CDH13: variants seen among roughly 807,000 people sequenced by gnomAD.
CDH13 encodes the protein cadherin 13, also known as cadherin-13.
Under a neutral mutation model 63.8 loss-of-function variants are expected in CDH13, and 24 were observed. The observed-to-expected ratio is 0.38, with a 90% CI of 0.27 to 0.53. CDH13 has a LOEUF of 0.53. Among genes scored for constraint, CDH13 ranks in the 20% least tolerant of loss-of-function variants. The pLI, the probability that CDH13 is intolerant of heterozygous loss-of-function variation, is 0.85. For missense variants in CDH13, 1,049 were observed against 903.1 expected (o/e 1.16, Z -2.07); for synonymous variants, 503 against 355.3 (o/e 1.42, Z -4.67).
chr16:83,531,919 C>G (rs1314130814), intron 7 of CDH13, among the ~76,000 whole-genome samples: 1 of 152,182 alleles, frequency 6.6e-6, no homozygotes, highest in Non-Finnish European at 1.5e-5. Flanking sequence ...TATGGTTTAG[C>G]TGTGTCCCCA....
chr16:83,234,233 T>C (rs1390410601), intron 5 of CDH13, among the ~76,000 whole-genome samples: 5 of 152,210 alleles, frequency 3.3e-5, no homozygotes, highest in Admixed American at 2.0e-4. Context: ...ATCTTCCTTT[T>C]CTCATAAATG....
At chr16:82,971,154 C>G (rs188075496) in intron 2 of CDH13, among the ~76,000 whole-genome samples, 2 of 152,172 alleles carry the variant, frequency 1.3e-5, no homozygotes, top group Admixed American at 1.3e-4. Context: ...CCAACTCCCT[C>G]ACCCTTCGAA....
chr16:82,765,491 A>G (rs1410681646), intron 1 of CDH13, among the ~76,000 whole-genome samples: 5 of 152,180 alleles, frequency 3.3e-5, no homozygotes, highest in Non-Finnish European at 7.3e-5. Flanking sequence ...ATCCGCTGAC[A>G]GCTCCCCACC....
At chr16:83,136,511 ATAGACT>A (rs1330229932) in intron 4 of CDH13, among the ~76,000 whole-genome samples, 3 of 151,782 alleles carry the variant, frequency 2.0e-5, no homozygotes, top group African/African-American at 7.3e-5. Context: ...AAAAAAAGAA[ATAGACT>A]TCACTAGAGG....
intron 10 of CDH13, among the ~76,000 whole-genome samples, chr16:83,720,456 AG>A (rs1909542415): frequency 6.6e-6 from 1 of 152,166 alleles, no homozygotes; most frequent in Admixed American, 6.5e-5. Context: ...ACAAGAGATT[AG>A]GGGAAGTTGG....
intron 7 of CDH13, among the ~76,000 whole-genome samples, chr16:83,585,761 C>T (rs906234807): frequency 3.9e-5 from 6 of 152,046 alleles, no homozygotes; most frequent in African/African-American, 1.5e-4. Flanking sequence ...ATTCTCCCAG[C>T]CCAACCCATA....
intron 5 of CDH13, among the ~76,000 whole-genome samples, chr16:83,246,602 A>G (rs1905020733): frequency 6.6e-6 from 1 of 152,122 alleles, no homozygotes; most frequent in South Asian, 2.1e-4. Flanking sequence ...GGTTTGAGCT[A>G]TGAAATATTT....
At chr16:83,621,980 T>C (rs1909859853) in intron 8 of CDH13, among the ~76,000 whole-genome samples, 1 of 152,230 alleles carries the variant, frequency 6.6e-6, no homozygotes, top group Non-Finnish European at 1.5e-5. Context: ...ATTAGCAACC[T>C]TGTATCTTTA....
chr16:83,733,978 CTA>C (rs368104534), intron 10 of CDH13, among the ~76,000 whole-genome samples: 13 of 152,318 alleles, frequency 8.5e-5, no homozygotes, highest in African/African-American at 3.1e-4. Flanking sequence ...GAGCACCAGA[CTA>C]TTTTATTCTG....
intron 4 of CDH13, among the ~76,000 whole-genome samples, chr16:83,176,836 T>C (rs1427491422): frequency 6.6e-6 from 1 of 152,176 alleles, no homozygotes; most frequent in Non-Finnish European, 1.5e-5. Context: ...TGTAGCTCTG[T>C]TGAGCCTGGG....
At chr16:83,249,678 A>G (rs1181684391) in intron 5 of CDH13, among the ~76,000 whole-genome samples, 4 of 152,218 alleles carry the variant, frequency 2.6e-5, no homozygotes, top group Middle Eastern at 3.4e-3. Context: ...GGCTGGGGGT[A>G]TTTTTCCCCA....
intron 1 of CDH13, among the ~76,000 whole-genome samples, chr16:82,658,032 G>A (rs1911499205): frequency 6.6e-6 from 1 of 152,216 alleles, no homozygotes; most frequent in Non-Finnish European, 1.5e-5. Context: ...CATGAAGTGT[G>A]ATGTTAGTTG....
At chr16:83,578,452 CAA>C (rs1905241076) in intron 7 of CDH13, among the ~76,000 whole-genome samples, 1 of 152,084 alleles carries the variant, frequency 6.6e-6, no homozygotes, top group African/African-American at 2.4e-5. Context: ...CAGGGAGACA[CAA>C]ATAAGAGAGA....
At chr16:83,128,651 A>G in intron 4 of CDH13, among the ~76,000 whole-genome samples, 1 of 152,232 alleles carries the variant, frequency 6.6e-6, no homozygotes, top group African/African-American at 2.4e-5. Context: ...TTCTTCAATT[A>G]CACACAATTT....
chr16:82,694,451 T>C (rs1342419620), intron 1 of CDH13, among the ~76,000 whole-genome samples: 1 of 152,198 alleles, frequency 6.6e-6, no homozygotes, highest in Admixed American at 6.5e-5. Flanking sequence ...GTAATTGCCT[T>C]TTTAGCTGAA....
At chr16:82,929,197 A>G (rs1428351818) in intron 2 of CDH13, among the ~76,000 whole-genome samples, 2 of 152,312 alleles carry the variant, frequency 1.3e-5, no homozygotes, top group Admixed American at 1.3e-4. Context: ...GCTCCCCAGA[A>G]TTCATATTTT....
intron 5 of CDH13, among the ~76,000 whole-genome samples, chr16:83,302,049 C>T (rs752579017): frequency 6.6e-6 from 1 of 151,828 alleles, no homozygotes; most frequent in Non-Finnish European, 1.5e-5. Context: ...ACCTTTCTTA[C>T]CTGAAAAATG....
chr16:82,950,441 T>C (rs1352456118), intron 2 of CDH13, among the ~76,000 whole-genome samples: 1 of 152,108 alleles, frequency 6.6e-6, no homozygotes, highest in South Asian at 2.1e-4. Flanking sequence ...TGGGAGATAA[T>C]TGAATCATGG....
At chr16:82,993,895 G>A (rs2151411211) in intron 2 of CDH13, among the ~76,000 whole-genome samples, 1 of 152,258 alleles carries the variant, frequency 6.6e-6, no homozygotes, top group South Asian at 2.1e-4. Flanking sequence ...GCACAGAGAG[G>A]GGGCTGCAGA....
Sources: allele counts gnomAD v4.1 joint callset (sites outside exome capture counted in the v4.1 genomes callset), GRCh38; gene constraint gnomAD v4.1.1; transcripts MANE v1.5; gene names NCBI Gene and HGNC (gene_info 2026-07-23, HGNC 2026-07-21).